Variants in NRG4 observed in about 807,000 individuals in gnomAD.
The protein encoded by NRG4 is pro-neuregulin-4, membrane-bound isoform.
Under a neutral mutation model 15.0 loss-of-function variants are expected in NRG4, and 10 were observed. The observed-to-expected ratio is 0.67, with a 90% CI of 0.41 to 1.13. The LOEUF is 1.13. Among genes scored for constraint, NRG4 ranks in the 50% most tolerant of loss-of-function variants. The probability of loss-of-function intolerance (pLI) is 0.00; values close to 1 mark genes in which losing one functional copy is unlikely to be tolerated. For missense variants in NRG4, 139 were observed against 140.2 expected, an observed-to-expected ratio of 0.99 and a Z score of 0.04; for synonymous variants, 41 against 50.1, an observed-to-expected ratio of 0.82 and a Z score of 0.77.
Position 76,048,592 on chromosome 15 carries a change from G to A in NRG4, c.-105+3475C>T, listed in dbSNP as rs2035928798. ...CCAGAAATAGTCTTGAATTATGCAT[G>A]TCTCTACAAAGTGCTATAGCTCTGT... On this transcript the variant is annotated intron_variant, in intron 4 of 8. Transcript: ENST00000563910. Among the ~76,000 whole-genome samples the A allele has an allele frequency of 2.0e-5, 3 of 150,588 alleles. No individual in the cohort carries two copies. The South Asian group carries it at 6.2e-4, about 31-fold the overall frequency.
intron 5 of NRG4, among the ~76,000 whole-genome samples, chr15:76,018,410 T>C (rs559646082): frequency 6.6e-6 from 1 of 152,330 alleles, no homozygotes; most frequent in African/African-American, 2.4e-5. Flanking sequence ...AGAGGCGTTC[T>C]GGGTTTTGGA....
rs769938493 is a variant in NRG4, at chr15:75,943,669, T to C, written c.332-15A>G. ...TTGTTCATGACCTGTGAAAAATAAG[T>C]AAGAATTAAGATGCTTTCTCCATTG... On this transcript the variant is annotated splice_polypyrimidine_tract_variant and intron_variant, in intron 5 of 5. Transcript: ENST00000394907. 1 of 1,522,156 alleles carries C rather than the reference T, an allele frequency of 6.6e-7. No homozygotes were observed. Among genetic ancestry groups the C allele is most frequent in the Non-Finnish European group, 9.1e-7 (1 of 1,098,584 alleles). The allele number at this position is 1,522,156 out of a possible 1,614,324, so 94.3% of individuals were successfully genotyped here.
intron 4 of NRG4, among the ~76,000 whole-genome samples, chr15:76,036,840 C>T (rs334933): frequency 0.021 from 3,171 of 152,192 alleles, 104 homozygotes; most frequent in African/African-American, 0.071. Flanking sequence ...ATAAGGATGT[C>T]CACTCTCACT....
chr15:76,001,323 A>G (rs931429294), intron 3 of NRG4, among the ~76,000 whole-genome samples: 3 of 152,296 alleles, frequency 2.0e-5, no homozygotes, highest in Admixed American at 2.0e-4. Context: ...CATTGAAAAA[A>G]ACCGAAAAGG....
At chr15:75,997,572 A>C (rs2034261290) in intron 3 of NRG4, among the ~76,000 whole-genome samples, 1 of 152,196 alleles carries the variant, frequency 6.6e-6, no homozygotes, top group Non-Finnish European at 1.5e-5. Context: ...GAGATATAAG[A>C]TAGAAATACG....
At chr15:76,009,978 C>A (rs777997588) in intron 2 of NRG4, among the ~76,000 whole-genome samples, 2 of 152,070 alleles carry the variant, frequency 1.3e-5, no homozygotes, top group Non-Finnish European at 2.9e-5. Context: ...TCTCTGACTT[C>A]TTTTCTCTCT....
intron 3 of NRG4, among the ~76,000 whole-genome samples, chr15:75,984,769 C>T (rs2033734692): frequency 6.6e-6 from 1 of 151,992 alleles, no homozygotes; most frequent in Non-Finnish European, 1.5e-5. Flanking sequence ...ACATGTATCC[C>T]AGAACTTAAA....
At chr15:75,951,540 C>T (rs2031905406) in intron 5 of NRG4, among the ~76,000 whole-genome samples, 1 of 152,148 alleles carries the variant, frequency 6.6e-6, no homozygotes, top group Admixed American at 6.6e-5. Flanking sequence ...ATATTTCTTG[C>T]AGATAGCATA....
chr15:75,965,215 ACT>A (rs773902539), intron 3 of NRG4, among the ~76,000 whole-genome samples: 2 of 152,000 alleles, frequency 1.3e-5, no homozygotes, highest in East Asian at 3.9e-4. Context: ...ACAGGGTGAG[ACT>A]CTGACTCAAA....
At chr15:75,960,410 T>C (rs1237049992) in intron 4 of NRG4, among the ~76,000 whole-genome samples, 1 of 152,226 alleles carries the variant, frequency 6.6e-6, no homozygotes, top group South Asian at 2.1e-4. Flanking sequence ...AAAAAAACTT[T>C]ATCTCATGAT....
intron 5 of NRG4, among the ~76,000 whole-genome samples, chr15:76,024,434 C>T (rs560952092): frequency 6.6e-6 from 1 of 152,372 alleles, no homozygotes; most frequent in South Asian, 2.1e-4. Context: ...AGCCATGCAT[C>T]TGCATCCCAG....
At chr15:75,982,743 G>C (rs1349188109) in intron 3 of NRG4, among the ~76,000 whole-genome samples, 1 of 152,116 alleles carries the variant, frequency 6.6e-6, no homozygotes, top group East Asian at 1.9e-4. Context: ...CTGATCTGAG[G>C]AACTAGAAAA....
chr15:76,058,272 C>T (rs997596653), intron 1 of NRG4, among the ~76,000 whole-genome samples: 28 of 152,144 alleles, frequency 1.8e-4, no homozygotes, highest in Admixed American at 1.8e-3. Context: ...TTTCTTCCGT[C>T]TAGAAATGTA....
At chr15:75,974,221 TA>T (rs1183232927) in intron 3 of NRG4, among the ~76,000 whole-genome samples, 1 of 152,228 alleles carries the variant, frequency 6.6e-6, no homozygotes, top group Non-Finnish European at 1.5e-5. Flanking sequence ...ATATCCCCTT[TA>T]TCATTTTTAT....
chr15:75,992,470 C>T (rs146037206), intron 3 of NRG4, among the ~76,000 whole-genome samples: 36 of 152,148 alleles, frequency 2.4e-4, no homozygotes, highest in African/African-American at 7.7e-4. Flanking sequence ...CATTTTTAAA[C>T]AGCCTTATTG....
At chr15:75,937,646 TG>T (rs56659379), downstream of NRG4, 34,885 of 152,154 alleles carry the variant, frequency 0.23, 4,825 homozygotes, top group Non-Finnish European at 0.31. Context: ...GACTTTTTAG[TG>T]GCTCTTGCCC....
chr15:75,974,781 G>C (rs1471024980), intron 3 of NRG4, among the ~76,000 whole-genome samples: 1 of 152,128 alleles, frequency 6.6e-6, no homozygotes, highest in Admixed American at 6.6e-5. Context: ...CAATTATGTA[G>C]TCAATTTTAG....
intron 5 of NRG4, among the ~76,000 whole-genome samples, chr15:76,025,220 G>A (rs576309390): frequency 5.3e-5 from 8 of 151,968 alleles, no homozygotes; most frequent in African/African-American, 7.2e-5. Context: ...CAGGTGGATC[G>A]CGAGGTCAGG....
chr15:75,969,069 T>A (rs2032970664), intron 3 of NRG4: 1 of 381,886 alleles, frequency 2.6e-6, no homozygotes, highest in African/African-American at 2.1e-5. Flanking sequence ...CACTCTTAAA[T>A]CACCAGACAC....
Sources: allele counts gnomAD v4.1 joint callset (sites outside exome capture counted in the v4.1 genomes callset), GRCh38; gene constraint gnomAD v4.1.1; transcripts MANE v1.5; gene names NCBI Gene and HGNC (gene_info 2026-07-23, HGNC 2026-07-21).